Variants in SLC25A42 observed in about 807,000 individuals in gnomAD.
SLC25A42 encodes solute carrier family 25 member 42.
In SLC25A42, 19 loss-of-function variants were observed where a neutral mutation model predicts 34.7. The ratio of observed to expected loss-of-function variants is 0.55; its 90% CI spans 0.38 to 0.80. SLC25A42 has a LOEUF of 0.80. Among genes scored for constraint, SLC25A42 ranks in the 30% least tolerant of loss-of-function variants. The probability of loss-of-function intolerance (pLI) is 0.00; values close to 1 mark genes in which losing one functional copy is unlikely to be tolerated. For missense variants in SLC25A42, 364 were observed against 441.3 expected (o/e 0.82, Z 1.57); for synonymous variants, 205 against 191.2 (o/e 1.07, Z -0.59).
chr19:19,107,435 C>G (rs750109501), intron 6 of SLC25A42, among the ~76,000 whole-genome samples: 6 of 152,078 alleles, frequency 3.9e-5, no homozygotes, highest in Admixed American at 6.5e-5. Context: ...GAGTTCAAGA[C>G]CAGCCTGGTC....
chr19:19,078,218 G>A (rs1422062998), intron 1 of SLC25A42, among the ~76,000 whole-genome samples: 1 of 152,184 alleles, frequency 6.6e-6, no homozygotes, highest in Non-Finnish European at 1.5e-5. Context: ...CAGAAGCAGA[G>A]GTCTGGAGGT....
At chr19:19,088,566 C>T (rs1211140202) in intron 1 of SLC25A42, among the ~76,000 whole-genome samples, 3 of 151,224 alleles carry the variant, frequency 2.0e-5, no homozygotes, top group Non-Finnish European at 2.9e-5. Context: ...CTCAGCTCAC[C>T]GCAACCTCCG....
chr19:19,086,421 A>T (rs1161239436), intron 1 of SLC25A42, among the ~76,000 whole-genome samples: 1 of 152,032 alleles, frequency 6.6e-6, no homozygotes, highest in East Asian at 1.9e-4. Flanking sequence ...GGCATGAGCC[A>T]CTGCACCCAG....
chr19:19,106,170 TC>T (rs2145923801), intron 5 of SLC25A42, 98 bp from the exon 6 acceptor site: 2 of 1,019,226 alleles, frequency 2.0e-6, no homozygotes, highest in Admixed American at 2.0e-5. Context: ...CCCACCCCTG[TC>T]CCCGCCCCAG....
Position 19,096,077 on chromosome 19 carries a change from C to A in SLC25A42, c.-34-14C>A. On this transcript the variant is annotated splice_polypyrimidine_tract_variant and intron_variant, in intron 1 of 7. Transcript: ENST00000318596. Reference sequence around the variant, plus strand: ...GATCTCGCCGTATCTTACCACCTCCCCTTACCCCCCCAGGACCGAGTCTCC... The same window carrying A: ...GATCTCGCCGTATCTTACCACCTCCACTTACCCCCCCAGGACCGAGTCTCC... 1 of 1,541,412 alleles carries A rather than the reference C, an allele frequency of 6.5e-7. No homozygotes were observed. Among genetic ancestry groups the A allele is most frequent in the Non-Finnish European group, 9.0e-7 (1 of 1,116,260 alleles).
intron 6 of SLC25A42, 122 bp downstream of exon 6, chr19:19,106,507 G>T: frequency 1.4e-6 from 1 of 701,350 alleles, no homozygotes; most frequent in Non-Finnish European, 2.3e-6. Context: ...CGTGTCCACA[G>T]GGCAGGCCTG....
chr19:19,106,624 A>C (rs1024123333), intron 6 of SLC25A42: 3 of 336,842 alleles, frequency 8.9e-6, no homozygotes, highest in Non-Finnish European at 1.6e-5. Context: ...AACTGGGCAC[A>C]GATGCAGTAA....
intron 7 of SLC25A42, 28 bp downstream of exon 7, chr19:19,108,073 G>A (rs200109567): frequency 3.8e-5 from 58 of 1,529,760 alleles, no homozygotes; most frequent in Admixed American, 3.4e-4. Context: ...CATGAGGAGG[G>A]GACGTTCAGG....
At chr19:19,082,818 T>A (rs146430019) in intron 1 of SLC25A42, among the ~76,000 whole-genome samples, 152 of 152,084 alleles carry the variant, frequency 1.0e-3, no homozygotes, top group South Asian at 1.5e-3. Context: ...AACTAATTTT[T>A]TTTTTGTTGT....
At position 19,111,119 on chromosome 19, in the gene SLC25A42, T is replaced by C; in HGVS notation, c.*243T>C. 3.6e-6 allele frequency: 2 copies of C among 561,230 alleles called. No individual in the cohort carries two copies. The highest frequency in any genetic ancestry group is 3.2e-6 in the Non-Finnish European group (1 of 317,064). 34.8% of individuals were successfully genotyped at this position (561,230 alleles called of 1,614,324 possible). ...CCCGCAGCTCCCCTCTTCCTTCCTC[T>C]GCAGACGCTGGCGCTGTCTGCCGGA... On this transcript the variant is annotated 3_prime_UTR_variant, in exon 8 of 8. Coordinates refer to ENST00000318596, the MANE Select transcript of SLC25A42 (RefSeq NM_178526.5).
At chr19:19,097,095 A>T (rs2059769654) in intron 2 of SLC25A42, among the ~76,000 whole-genome samples, 3 of 152,150 alleles carry the variant, frequency 2.0e-5, no homozygotes. Context: ...CACCATAGAA[A>T]CCAGAACCCC....
chr19:19,077,012 C>T (rs2059658692), intron 1 of SLC25A42, among the ~76,000 whole-genome samples: 1 of 152,004 alleles, frequency 6.6e-6, no homozygotes, highest in Non-Finnish European at 1.5e-5. Flanking sequence ...AGTAAGACCC[C>T]ATCTCTACAA....
At position 19,095,915 on chromosome 19, in the gene SLC25A42, C is replaced by T. The variant is rs980819038; in HGVS notation, c.-34-176C>T. 7.4e-6 allele frequency: 5 copies of T among 671,892 alleles called. No homozygotes were observed. The African/African-American group carries it at 8.8e-5, about 12-fold the overall frequency. 41.6% of individuals were successfully genotyped at this position (671,892 alleles called of 1,614,324 possible). ...TGTGAGGATTACATTCCAGTACCAA[C>T]AAGAAAGGCTTTTGTAAATGATTAA... On this transcript the variant is annotated intron_variant, in intron 1 of 7. Transcript: ENST00000318596.
At chr19:19,085,950 A>G (rs1191718273) in intron 1 of SLC25A42, among the ~76,000 whole-genome samples, 2 of 152,192 alleles carry the variant, frequency 1.3e-5, no homozygotes, top group Non-Finnish European at 2.9e-5. Context: ...GCCCCTCAAC[A>G]CTGAGCCCCT....
intron 1 of SLC25A42, among the ~76,000 whole-genome samples, chr19:19,092,957 G>A (rs906303217): frequency 6.6e-6 from 1 of 152,122 alleles, no homozygotes; most frequent in African/African-American, 2.4e-5. Context: ...GAAAGATGCC[G>A]ACCCCCAGCA....
rs1246592621 is a variant in SLC25A42 at position 19,110,742 on chromosome 19, G to T, written c.823G>T (p.Val275Leu). The T allele has an allele frequency of 6.2e-7, 1 of 1,612,108 alleles. No individual in the cohort carries two copies. The change falls in exon 8 of 8, where the codon GTG (valine) becomes TTG (leucine). Residue 275 changes from valine to leucine, a missense_variant. Transcript: ENST00000318596. ...ASIARTLRTIVREEGAVRGLY... is the reference protein window; with the variant it reads ...ASIARTLRTILREEGAVRGLY... ...CATCGCCCGCACGCTGCGCACCATCGTGCGGGAGGAGGGCGCCGTGCGCGG... is the reference window on the plus strand; with the variant it reads ...CATCGCCCGCACGCTGCGCACCATCTTGCGGGAGGAGGGCGCCGTGCGCGG...
At chr19:19,070,452 C>T (rs147020544) in intron 1 of SLC25A42, among the ~76,000 whole-genome samples, 42 of 152,128 alleles carry the variant, frequency 2.8e-4, no homozygotes, top group African/African-American at 8.4e-4. Context: ...TGCGCACCAC[C>T]GCATCCAGCT....
intron 4 of SLC25A42, 23 bp downstream of exon 4, chr19:19,104,961 C>G (rs756983526): frequency 6.2e-7 from 1 of 1,614,038 alleles, no homozygotes; most frequent in South Asian, 1.1e-5. Context: ...GTCACCGCCC[C>G]GGCCTGGGGA....
intron 1 of SLC25A42, among the ~76,000 whole-genome samples, chr19:19,070,668 A>G (rs950255880): frequency 1.3e-5 from 2 of 152,140 alleles, no homozygotes; most frequent in Non-Finnish European, 2.9e-5. Flanking sequence ...TCATCTTAAG[A>G]TCCTTAACTG....
Sources: gnomAD v4.1 joint callset for allele counts (sites outside exome capture counted in the v4.1 genomes callset) on GRCh38, gnomAD v4.1.1 for gene constraint, MANE v1.5 for transcripts, NCBI Gene and HGNC (gene_info 2026-07-23, HGNC 2026-07-21) for gene names.